Variants in SLC22A4 observed in about 807,000 individuals in gnomAD.
SLC22A4 encodes ET transporter.
SLC22A4 carries 39 observed loss-of-function variants against 56.6 expected under a neutral mutation model. That is an observed-to-expected ratio of 0.69 (90% CI 0.53 to 0.90). The LOEUF (loss-of-function observed/expected upper bound fraction) is 0.90, where lower values mean the gene tolerates loss of function less well. SLC22A4 is among the 40% of genes least tolerant of loss of function. The pLI, the probability that SLC22A4 is intolerant of heterozygous loss-of-function variation, is 0.00. For synonymous variants in SLC22A4, 241 were observed against 281.4 expected (o/e 0.86, Z 1.44); for missense variants, 594 against 696.5 (o/e 0.85, Z 1.66).
chr5:132,316,011 C>G (rs757399413), intron 3 of SLC22A4, among the ~76,000 whole-genome samples: 32 of 152,138 alleles, frequency 2.1e-4, no homozygotes, highest in Non-Finnish European at 4.4e-4. Context: ...CAGCAGTGCT[C>G]TCTGGTGTTT....
chr5:132,297,608 G>C (rs1416695932), intron 1 of SLC22A4, among the ~76,000 whole-genome samples: 2 of 151,834 alleles, frequency 1.3e-5, no homozygotes, highest in Middle Eastern at 3.2e-3. Flanking sequence ...CTAATCACTA[G>C]GGAAATGCAA....
chr5:132,340,205 C>T (rs895784705), intron 8 of SLC22A4, among the ~76,000 whole-genome samples: 2 of 151,482 alleles, frequency 1.3e-5, no homozygotes, highest in Admixed American at 6.6e-5. Context: ...CCTGGTTAAC[C>T]TCCTTCTCCT....
chr5:132,324,721 C>T (rs186010894), intron 4 of SLC22A4: 3 of 390,666 alleles, frequency 7.7e-6, no homozygotes, highest in East Asian at 7.3e-5. Flanking sequence ...TGGACCCTGC[C>T]GCCTGCTCAG....
Position 132,294,464 on chromosome 5 carries a change from G to A in SLC22A4, c.-153G>A. The A allele has an allele frequency of 9.5e-7, 1 of 1,051,974 alleles. No homozygotes were observed. 65.2% of individuals were successfully genotyped at this position (1,051,974 alleles called of 1,614,324 possible). ...CCAACGCCTTCAGCCTGTTTCCCAG[G>A]AACGGTCCCCGGCTTCGCGCCCCAA... On this transcript the variant is annotated 5_prime_UTR_variant, in exon 1 of 10. Transcript: ENST00000200652. The surrounding 1 kb of genome is among the most constrained non-coding windows in gnomAD (Gnocchi z 5.6).
intron 9 of SLC22A4, 70 bp from the exon 10 acceptor site, chr5:132,343,690 T>C: frequency 1.1e-6 from 1 of 943,642 alleles, no homozygotes; most frequent in Non-Finnish European, 1.7e-6. Context: ...TCAATGTCAA[T>C]TTGGATGGAG....
At chr5:132,312,136 C>T (rs960948951) in intron 1 of SLC22A4, 25 bp from the exon 2 acceptor site, 108 of 1,456,036 alleles carry the variant, frequency 7.4e-5, no homozygotes, top group Middle Eastern at 1.7e-4. Flanking sequence ...GTTGGGCTCA[C>T]GCTTCATGCT....
chr5:132,314,691 ACT>A (rs1750284623), intron 3 of SLC22A4, among the ~76,000 whole-genome samples: 1 of 151,998 alleles, frequency 6.6e-6, no homozygotes, highest in African/African-American at 2.4e-5. Context: ...TGGTTAGGTG[ACT>A]CTGATTGCTT....
chr5:132,322,464 C>A, intron 4 of SLC22A4, 109 bp downstream of exon 4: 1 of 1,082,614 alleles, frequency 9.2e-7, no homozygotes, highest in Non-Finnish European at 1.4e-6. Flanking sequence ...CTCCACGGAA[C>A]TCGCGGAGGC....
intron 8 of SLC22A4, among the ~76,000 whole-genome samples, chr5:132,337,241 C>T (rs1284338661): frequency 6.8e-6 from 1 of 146,876 alleles, no homozygotes; most frequent in East Asian, 2.0e-4. Flanking sequence ...GAGTGGTTTT[C>T]AATAATCTCA....
intron 3 of SLC22A4, 83 bp from the exon 4 acceptor site, chr5:132,322,101 G>A: frequency 8.0e-7 from 1 of 1,257,632 alleles, no homozygotes. Flanking sequence ...GTGATAGTTT[G>A]AACTCTAACT....
In SLC22A4 at chr5:132,297,410, T is replaced by C. The variant is rs1320409926; in HGVS notation, c.393+2401T>C. On this transcript the variant is annotated intron_variant, in intron 1 of 9. Transcript: ENST00000200652. ...GAAGCAAGTACCAGGGTAAGCAGGA[T>C]GGATGGATGGCTCTCCCCCAGAGGG... 3.9e-5 allele frequency among the ~76,000 whole-genome samples: 6 copies of C among 152,034 alleles called. No individual in the cohort carries two copies. In the East Asian group the frequency reaches 1.2e-3, roughly 29 times the overall value.
chr5:132,295,362 G>C (rs1561532025), intron 1 of SLC22A4: 1 of 516,940 alleles, frequency 1.9e-6, no homozygotes, highest in East Asian at 5.1e-5. Flanking sequence ...CTTCCTGCCA[G>C]GCATGGGAGG....
At chr5:132,316,092 G>C (rs1750346950) in intron 3 of SLC22A4, among the ~76,000 whole-genome samples, 1 of 152,196 alleles carries the variant, frequency 6.6e-6, no homozygotes, top group Admixed American at 6.5e-5. Flanking sequence ...CTGGGCTGAG[G>C]AGTTTGGTAG....
chr5:132,331,672 A>T (rs550557147), intron 5 of SLC22A4, 84 bp from the exon 6 acceptor site: 2 of 953,860 alleles, frequency 2.1e-6, no homozygotes, highest in Non-Finnish European at 3.5e-6. Context: ...AGTTGCATGC[A>T]TAAGTTTTCC....
At chr5:132,303,154 C>T (rs943092844) in intron 1 of SLC22A4, among the ~76,000 whole-genome samples, 1 of 152,150 alleles carries the variant, frequency 6.6e-6, no homozygotes, top group African/African-American at 2.4e-5. Context: ...ATCATTTGCC[C>T]ATTTTGGAGA....
chr5:132,304,895 G>A (rs1011964141), intron 1 of SLC22A4, among the ~76,000 whole-genome samples: 1 of 152,162 alleles, frequency 6.6e-6, no homozygotes, highest in Non-Finnish European at 1.5e-5. Flanking sequence ...AAAGTATGAT[G>A]ACAATATTGC....
intron 1 of SLC22A4, among the ~76,000 whole-genome samples, chr5:132,296,188 A>G (rs1749773034): frequency 6.6e-6 from 1 of 152,224 alleles, no homozygotes; most frequent in Non-Finnish European, 1.5e-5. Context: ...ATTTTAGCTG[A>G]TTCTGAAAAT....
intron 5 of SLC22A4, among the ~76,000 whole-genome samples, chr5:132,328,181 G>T (rs1024929318): frequency 6.6e-6 from 1 of 152,200 alleles, no homozygotes; most frequent in Non-Finnish European, 1.5e-5. Context: ...ATGGCTGGAG[G>T]CAGGTCCAAG....
intron 1 of SLC22A4, chr5:132,295,488 T>C: frequency 2.8e-6 from 1 of 354,098 alleles, no homozygotes; most frequent in Non-Finnish European, 5.5e-6. Context: ...CTTGTGAGGT[T>C]TGGGGTCCTT....
Sources: allele counts gnomAD v4.1 joint callset (sites outside exome capture counted in the v4.1 genomes callset), GRCh38; gene constraint gnomAD v4.1.1; non-coding constraint Gnocchi (gnomAD v3.1); transcripts MANE v1.5; gene names NCBI Gene and HGNC (gene_info 2026-07-23, HGNC 2026-07-21).